TFEC: variants seen among roughly 807,000 people sequenced by gnomAD.
TFEC encodes transcription factor EC.
TFEC carries 31 observed loss-of-function variants against 41.6 expected under a neutral mutation model. That is an observed-to-expected ratio of 0.74 (90% CI 0.56 to 1.01). TFEC has a LOEUF of 1.01. TFEC is among the 50% of genes least tolerant of loss of function. The pLI, the probability that TFEC is intolerant of heterozygous loss-of-function variation, is 0.00. For synonymous variants in TFEC, 143 were observed against 140.6 expected (o/e 1.02, Z -0.12); for missense variants, 402 against 404.1 (o/e 0.99, Z 0.04).
intron 1 of TFEC, among the ~76,000 whole-genome samples, chr7:115,989,152 A>G (rs568802785): frequency 1.3e-5 from 2 of 152,360 alleles, no homozygotes; most frequent in South Asian, 4.1e-4. Flanking sequence ...TCAAAAAGTC[A>G]GACCTACATA....
intron 1 of TFEC, among the ~76,000 whole-genome samples, chr7:116,003,506 G>A (rs189072025): frequency 1.2e-3 from 184 of 152,112 alleles, no homozygotes; most frequent in African/African-American, 4.0e-3. Flanking sequence ...CACAGGGAAC[G>A]GCAAGGAGAT....
At chr7:116,126,762 G>C (rs930683722) in intron 1 of TFEC, among the ~76,000 whole-genome samples, 20 of 151,860 alleles carry the variant, frequency 1.3e-4, no homozygotes, top group African/African-American at 4.8e-4. Flanking sequence ...TCAATTGAGG[G>C]AGGAAACAAA....
chr7:116,100,767 TG>T (rs1332744265), intron 3 of TFEC, among the ~76,000 whole-genome samples: 1 of 152,050 alleles, frequency 6.6e-6, no homozygotes, highest in South Asian at 2.1e-4. Flanking sequence ...CAGTATTATG[TG>T]GGCTATCTAT....
rs139288590 is a variant in TFEC, at chr7:115,945,383, A to G, written c.516-3343T>C. Among the ~76,000 whole-genome samples, 1,200 of 151,666 alleles carry G rather than the reference A, an allele frequency of 7.9e-3. 24 individuals are homozygous for G. Among genetic ancestry groups the G allele is most frequent in the African/African-American group, 0.027 (1,135 of 41,470 alleles). ...GGTACTCCTTAGTCCATGGAGCCAG[A>G]CCATGGTTCTCAGGTAGAGTCATTT... is the stretch of plus-strand genomic sequence containing the variant. On this transcript the variant is annotated intron_variant, in intron 6 of 7. Transcript: ENST00000265440.
At chr7:116,036,051 T>C (rs1485648336) in intron 3 of TFEC, among the ~76,000 whole-genome samples, 2 of 152,008 alleles carry the variant, frequency 1.3e-5, no homozygotes, top group Non-Finnish European at 2.9e-5. Context: ...AAACCAAAAC[T>C]GGGAAAATAT....
chr7:116,029,039 G>A (rs1367101622), intron 1 of TFEC, among the ~76,000 whole-genome samples: 1 of 151,990 alleles, frequency 6.6e-6, no homozygotes, highest in Non-Finnish European at 1.5e-5. Flanking sequence ...ACCTTATGCC[G>A]CAGTCGTTAA....
chr7:116,093,321 A>G (rs1797371832), intron 3 of TFEC, among the ~76,000 whole-genome samples: 1 of 152,164 alleles, frequency 6.6e-6, no homozygotes, highest in South Asian at 2.1e-4. Flanking sequence ...AAAAACGAGA[A>G]CAAATATTTC....
chr7:116,077,644 A>G (rs1584488001), intron 3 of TFEC, among the ~76,000 whole-genome samples: 1 of 152,108 alleles, frequency 6.6e-6, no homozygotes, highest in East Asian at 1.9e-4. Flanking sequence ...TCAGACAAAA[A>G]AAACCTTAAA....
At chr7:115,953,983 A>G (rs1301358590) in intron 5 of TFEC, among the ~76,000 whole-genome samples, 1 of 152,138 alleles carries the variant, frequency 6.6e-6, no homozygotes, top group African/African-American at 2.4e-5. Context: ...CACTTGAGAC[A>G]GTTACACATT....
In TFEC at chr7:115,946,751, A is replaced by G. The variant is rs193068085; in HGVS notation, c.515+4123T>C. Among the ~76,000 whole-genome samples, 49 of 136,348 alleles carry G rather than the reference A, an allele frequency of 3.6e-4. 1 individual carries two copies. The highest frequency in any genetic ancestry group is 2.7e-3 in the South Asian group (11 of 4,010). 89.4% of individuals were successfully genotyped at this position (136,348 alleles called of 152,430 possible). A position where few individuals can be genotyped will look rare whatever the true frequency, so the allele number is the denominator to read the frequency against. ...TAGAGGTCGGATCACACCCAGGTTG[A>G]TCTTGAACTCCCGGCCTCAAACAAT... On this transcript the variant is annotated intron_variant, in intron 6 of 7. Coordinates refer to ENST00000265440, the MANE Select transcript of TFEC (RefSeq NM_012252.4).
At chr7:116,116,192 C>G (rs1342777712) in intron 1 of TFEC, among the ~76,000 whole-genome samples, 1 of 151,612 alleles carries the variant, frequency 6.6e-6, no homozygotes, top group Non-Finnish European at 1.5e-5. Flanking sequence ...TTAGAGACAT[C>G]GACCAAAAAA....
intron 1 of TFEC, among the ~76,000 whole-genome samples, chr7:115,992,015 C>A (rs1035273083): frequency 6.6e-6 from 1 of 152,152 alleles, no homozygotes; most frequent in South Asian, 2.1e-4. Context: ...TCTCTCAGAC[C>A]ACAGTGCAAT....
In TFEC at chr7:116,095,502, T is replaced by C. The variant is rs143032775; in HGVS notation, c.198+15206A>G. On this transcript the variant is annotated intron_variant, in intron 3 of 8. Coordinates refer to the TFEC transcript ENST00000484212. ...AGCTTCATATGCAATATCCAATATA[T>C]GTGACTAATACAAATGCTGTAGACT... 1.5e-3 allele frequency among the ~76,000 whole-genome samples: 229 copies of C among 152,274 alleles called. 1 individual carries two copies. Among genetic ancestry groups the C allele is most frequent in the African/African-American group, 5.1e-3 (210 of 41,564 alleles).
intron 1 of TFEC, among the ~76,000 whole-genome samples, chr7:116,146,172 T>C (rs1798636772): frequency 6.6e-6 from 1 of 151,956 alleles, no homozygotes. Flanking sequence ...AGCAGAAACA[T>C]GAGCAACTGC....
rs191069583 is a variant in TFEC, at chr7:115,994,526, C to A, written c.-72-10013G>T. Among the ~76,000 whole-genome samples, 558 of 152,172 alleles carry A rather than the reference C, an allele frequency of 3.7e-3. 3 individuals are homozygous for A. Among genetic ancestry groups the A allele is most frequent in the Middle Eastern group, 6.8e-3 (2 of 294 alleles). On this transcript the variant is annotated intron_variant, in intron 1 of 7. Transcript: ENST00000265440. ...AATTTACAAGAAAAAATCAAACAAC[C>A]CCATCAAAAAGTGGGCAAAGGATAT...
chr7:116,139,520 G>C (rs1442250880), intron 1 of TFEC, among the ~76,000 whole-genome samples: 1 of 152,134 alleles, frequency 6.6e-6, no homozygotes. Flanking sequence ...ATTATTTATT[G>C]AGTGTGCCAA....
chr7:116,058,401 C>A (rs981459462), intron 3 of TFEC, among the ~76,000 whole-genome samples: 3 of 107,362 alleles, frequency 2.8e-5, no homozygotes, highest in South Asian at 5.7e-4. Flanking sequence ...GAATCAGAAT[C>A]AAAAAATAGA....
chr7:115,974,450 A>ATT (rs1491505885), intron 2 of TFEC, among the ~76,000 whole-genome samples, 194 bp from the exon 3 acceptor site: 1 of 28,096 alleles, frequency 3.6e-5, no homozygotes, highest in African/African-American at 1.3e-4. Flanking sequence ...ATATATATAT[A>ATT]AAAACACAGA....
upstream of TFEC, among the ~76,000 whole-genome samples, chr7:116,034,360 A>T: frequency 6.6e-6 from 1 of 151,112 alleles, no homozygotes. Context: ...CCAACAACCT[A>T]CTCTATGTTT....
Sources: gnomAD v4.1 joint callset for allele counts (sites outside exome capture counted in the v4.1 genomes callset) on GRCh38, gnomAD v4.1.1 for gene constraint, MANE v1.5 for transcripts, NCBI Gene and HGNC (gene_info 2026-07-23, HGNC 2026-07-21) for gene names.